The following SH2D2A variants were observed in gnomAD, a reference collection of about 807,000 sequenced individuals.
SH2D2A encodes the protein SH2 domain-containing protein 2A.
In SH2D2A, 33 loss-of-function variants were observed where a neutral mutation model predicts 43.6. That is an observed-to-expected ratio of 0.76 (90% confidence interval 0.57 to 1.01). The LOEUF (loss-of-function observed/expected upper bound fraction) is 1.01. Ranked by LOEUF, SH2D2A falls within the 50% of genes least tolerant of loss-of-function variation. The probability of loss-of-function intolerance (pLI) is 0.00; values close to 1 mark genes in which losing one functional copy is unlikely to be tolerated. For missense variants in SH2D2A, 491 were observed against 503.1 expected (o/e 0.98, Z 0.23); for synonymous variants, 212 against 206.1 (o/e 1.03, Z -0.25).
Position 156,807,115 on chromosome 1 carries a change from G to A in SH2D2A, c.*3+60C>T. The A allele has an allele frequency of 7.1e-7, 1 of 1,407,868 alleles. No homozygotes were observed. Among genetic ancestry groups the A allele is most frequent in the Non-Finnish European group, 1.0e-6 (1 of 996,014 alleles). 87.2% of individuals were successfully genotyped at this position (1,407,868 alleles called of 1,614,324 possible). A position where few individuals can be genotyped will look rare whatever the true frequency, so the allele number is the denominator to read the frequency against. ...CCACATTTCTTGAGAAGTGTGCCAGGTGTGTGTGAAGGTCTCTGGACCTGA... is the reference window on the plus strand; with the variant it reads ...CCACATTTCTTGAGAAGTGTGCCAGATGTGTGTGAAGGTCTCTGGACCTGA... On this transcript the variant is annotated intron_variant, in intron 8 of 8. Transcript: ENST00000368199. The surrounding 1 kb of genome is among the most constrained non-coding windows in gnomAD (Gnocchi z 5.1).
rs1222100824 is a variant in SH2D2A, at chr1:156,809,635, C to T, written c.714+26G>A. ...ACCCCCTCGCAGGCCTGTCCTCCCA[C>T]TCCCTCAGCCCCTGCAGCCCAATAC... On this transcript the variant is annotated intron_variant, in intron 6 of 8. Transcript: ENST00000368199. The surrounding 1 kb of genome is among the most constrained non-coding windows in gnomAD (Gnocchi z 4.8). 1.3e-6 allele frequency: 2 copies of T among 1,591,912 alleles called. No individual in the cohort carries two copies. The highest frequency in any genetic ancestry group is 1.7e-6 in the Non-Finnish European group (2 of 1,170,760).
At chr1:156,815,709 GAC>G (rs1653838026) in intron 2 of SH2D2A, 2 of 1,117,370 alleles carry the variant, frequency 1.8e-6, no homozygotes, top group Admixed American at 1.7e-5. Flanking sequence ...AATGGTCACT[GAC>G]ACAGAGTGCA....
At chr1:156,815,683 T>C (rs1571627495) in intron 2 of SH2D2A, 2 of 882,970 alleles carry the variant, frequency 2.3e-6, no homozygotes, top group East Asian at 4.9e-5. Context: ...GACGGGAATG[T>C]GGAATGCACT....
chr1:156,808,317 A>C (rs1653121495), intron 7 of SH2D2A, among the ~76,000 whole-genome samples: 1 of 152,080 alleles, frequency 6.6e-6, no homozygotes. Flanking sequence ...TGAACATGGG[A>C]CCGAGCTGTT....
chr1:156,809,851 G>C lies in SH2D2A; in HGVS notation c.568-44C>G, dbSNP rs1653285220. On this transcript the variant is annotated intron_variant, in intron 5 of 8. Transcript: ENST00000368199. The surrounding 1 kb of genome is among the most constrained non-coding windows in gnomAD (Gnocchi z 4.8). ...GTCTGAGGCACTCGGTGGAGCGTTGGGGTGGGGGAGGTGATCAGGAGGACA... is the reference window on the plus strand; with the variant it reads ...GTCTGAGGCACTCGGTGGAGCGTTGCGGTGGGGGAGGTGATCAGGAGGACA... 1 of 1,604,924 alleles carries C rather than the reference G, an allele frequency of 6.2e-7. No homozygotes were observed. Among genetic ancestry groups the C allele is most frequent in the South Asian group, 1.1e-5 (1 of 90,340 alleles).
rs1653612038 is a variant in SH2D2A, at chr1:156,813,890, G to T, written c.525C>A (p.Leu175=). ...DLLLHYTAHP[L]SPYGETLTEP... is the part of the protein sequence containing the mutation. ...CGGTGAGCGTCTCCCCGTAGGGGCT[G>T]AGCGGGTGCGCGGTGTAGTGCAGCA... The change falls in exon 5 of 9, where the codon CTC becomes CTA. Residue 175 remains leucine, a synonymous_variant. Transcript: ENST00000368199. 6.5e-7 allele frequency: 1 copy of T among 1,542,400 alleles called. No individual in the cohort carries two copies. The highest frequency in any genetic ancestry group is 8.7e-7 in the Non-Finnish European group (1 of 1,147,918).
chr1:156,813,865 C>G lies in SH2D2A; in HGVS notation c.550G>C (p.Glu184Gln). 2 of 1,504,688 alleles carry G rather than the reference C, an allele frequency of 1.3e-6. No individual in the cohort carries two copies. Among genetic ancestry groups the G allele is most frequent in the Non-Finnish European group, 1.8e-6 (2 of 1,127,636 alleles). The allele number at this position is 1,504,688 out of a possible 1,614,324, so 93.2% of individuals were successfully genotyped here. ...GCGCGTACCTGTCGGGCGAGGGGCT[C>G]GGTGAGCGTCTCCCCGTAGGGGCTG... ...PLSPYGETLT[E>Q]PLARQTPEPA... Residue 184 changes from glutamate to glutamine, a missense_variant, in exon 5 of 9, where the codon GAG becomes CAG. By Grantham distance (29) the Glu-to-Gln change is conservative (BLOSUM62 2). Transcript: ENST00000368199.
At position 156,807,268 on chromosome 1, in the gene SH2D2A, G is replaced by C; in HGVS notation, c.1080C>G (p.Pro360=). 6.2e-7 allele frequency: 1 copy of C among 1,602,778 alleles called. No individual in the cohort carries two copies. The highest frequency in any genetic ancestry group is 8.5e-7 in the Non-Finnish European group (1 of 1,177,902). ...QGPPLPHQPP[P]AWRHTLPHNL... ...TGTGGGGGAGGGTGTGTCTCCAGGC[G>C]GGTGGGGGCTGGTGGGGCAGGGGAG... is the stretch of plus-strand genomic sequence containing the variant. The change falls in exon 8 of 9, where the codon CCC becomes CCG. Residue 360 remains proline (P), a synonymous_variant. Coordinates refer to ENST00000368199, the MANE Select transcript of SH2D2A (RefSeq NM_003975.4). This position sits in a 1 kb window ranked among gnomAD's most constrained non-coding sequence, Gnocchi z 5.1.
rs1653067770 is a variant in SH2D2A, at chr1:156,807,685, A to G, written c.1003-340T>C. 6.6e-6 allele frequency among the ~76,000 whole-genome samples: 1 copy of G among 152,174 alleles called. No individual in the cohort carries two copies. Among genetic ancestry groups the G allele is most frequent in the Admixed American group, 6.5e-5 (1 of 15,282 alleles). ...TGTAAGGCACAGGGGGTGGCCTCTG[A>G]GAAGGGAAAGCTGGTCTTGAAGGAT... On this transcript the variant is annotated intron_variant, in intron 7 of 8. Coordinates refer to ENST00000368199, the MANE Select transcript of SH2D2A (RefSeq NM_003975.4). The surrounding 1 kb of genome is among the most constrained non-coding windows in gnomAD (Gnocchi z 5.1).
rs12071857 is a variant in SH2D2A at position 156,809,305 on chromosome 1, G to A, written c.900C>T (p.Ala300=). ...YAMGRGSPGE[A]PSNIYVEVED... is the part of the protein sequence containing the mutation. ...CCACTTCCACATAGATGTTGCTGGG[G>A]GCTTCCCCAGGGCTGCCCCGGCCCA... Residue 300 remains alanine, a synonymous_variant, in exon 7 of 9, where the codon GCC becomes GCT. Transcript: ENST00000368199. This position sits in a 1 kb window ranked among gnomAD's most constrained non-coding sequence, Gnocchi z 4.8. The A allele has an allele frequency of 5.6e-6, 9 of 1,614,192 alleles. No individual in the cohort carries two copies. The highest frequency in any genetic ancestry group is 5.0e-5 in the Admixed American group (3 of 60,026).
intron 5 of SH2D2A, among the ~76,000 whole-genome samples, chr1:156,811,900 C>A (rs1653448395): frequency 6.6e-6 from 1 of 152,118 alleles, no homozygotes; most frequent in Non-Finnish European, 1.5e-5. Context: ...TTTTAGAGTC[C>A]ATCTAAGTGC....
rs925842563 is a variant in SH2D2A at position 156,815,232 on chromosome 1, G to C, written c.124-11C>G. 1.3e-6 allele frequency: 2 copies of C among 1,490,712 alleles called. No individual in the cohort carries two copies. Among genetic ancestry groups the C allele is most frequent in the African/African-American group, 2.8e-5 (2 of 71,194 alleles). The allele number at this position is 1,490,712 out of a possible 1,614,324, so 92.3% of individuals were successfully genotyped here. Reference sequence around the variant, plus strand: ...GGCCTGGGGAGATGCCTGGATCAGGGAAGAGTTCAAGGAGGGGGAAGCAGC... The same window carrying C: ...GGCCTGGGGAGATGCCTGGATCAGGCAAGAGTTCAAGGAGGGGGAAGCAGC... On this transcript the variant is annotated splice_polypyrimidine_tract_variant and intron_variant, in intron 2 of 8. Transcript: ENST00000368199.
In SH2D2A at chr1:156,816,783, C is replaced by A. The variant is rs12753240; in HGVS notation, c.-75G>T. On this transcript the variant is annotated 5_prime_UTR_variant, in exon 1 of 9. The change abolishes an upstream ATG in the 5' untranslated region. Transcript: ENST00000368199. ...GGAAAGGTGTGCACACTCAGCAACT[C>A]ATCATCTCTCCTCTCACCCTGGCCC... is the stretch of plus-strand genomic sequence containing the variant. 39,183 of 1,368,508 alleles carry A rather than the reference C, an allele frequency of 0.029. 733 individuals carry two copies. Among genetic ancestry groups the A allele is most frequent in the Non-Finnish European group, 0.035 (35,720 of 1,016,164 alleles). 84.8% of individuals were successfully genotyped at this position (1,368,508 alleles called of 1,614,324 possible).
intron 3 of SH2D2A, 75 bp from the exon 4 acceptor site, chr1:156,814,369 C>A: frequency 6.4e-7 from 1 of 1,556,238 alleles, no homozygotes; most frequent in African/African-American, 1.4e-5. Flanking sequence ...CCGGCTCTCA[C>A]GAGGAACCCC....
In SH2D2A at chr1:156,814,229, G is replaced by A. The variant is rs1221894907; in HGVS notation, c.374C>T (p.Ala125Val). The change falls in exon 4 of 9, where the codon GCG becomes GTG. Residue 125 changes from alanine (A) to valine (V), a missense_variant. Transcript: ENST00000368199. ...GCYLVRFSES[A>V]VTFVLTYRSR... ...CCTGTAAGTCAGCACGAAGGTCACC[G>A]CGCTCTCGCTGAACCGCACCAAGTA... 1 of 1,613,870 alleles carries A rather than the reference G, an allele frequency of 6.2e-7. No individual in the cohort carries two copies. The highest frequency in any genetic ancestry group is 1.1e-5 in the South Asian group (1 of 91,080).
chr1:156,815,677 G>A, intron 2 of SH2D2A: 1 of 851,412 alleles, frequency 1.2e-6, no homozygotes, highest in Non-Finnish European at 2.0e-6. Flanking sequence ...GACTGAGACG[G>A]GAATGTGGAA....
intron 8 of SH2D2A, among the ~76,000 whole-genome samples, chr1:156,806,888 C>T (rs1653005335): frequency 6.6e-6 from 1 of 152,272 alleles, no homozygotes; most frequent in African/African-American, 2.4e-5. Flanking sequence ...CCGCTCTTAC[C>T]CGTGGCAGAC....
intron 7 of SH2D2A, among the ~76,000 whole-genome samples, chr1:156,808,870 G>A (rs1398248138): frequency 6.6e-6 from 1 of 152,210 alleles, no homozygotes; most frequent in Admixed American, 6.5e-5. Flanking sequence ...CGTCTGAAGA[G>A]GGCCTGCAGG....
In SH2D2A at chr1:156,809,873, G is replaced by A; in HGVS notation, c.568-66C>T. On this transcript the variant is annotated intron_variant, in intron 5 of 8. Coordinates refer to ENST00000368199, the MANE Select transcript of SH2D2A (RefSeq NM_003975.4). This position sits in a 1 kb window ranked among gnomAD's most constrained non-coding sequence, Gnocchi z 4.8. ...TTGGGGTGGGGGAGGTGATCAGGAG[G>A]ACAAAATAATCCAGTCTAAGTGGAG... The A allele has an allele frequency of 6.4e-7, 1 of 1,573,086 alleles. No individual in the cohort carries two copies. The highest frequency in any genetic ancestry group is 1.1e-5 in the South Asian group (1 of 88,706).
Sources: gnomAD v4.1 joint callset for allele counts (sites outside exome capture counted in the v4.1 genomes callset) on GRCh38, gnomAD v4.1.1 for gene constraint, Gnocchi (gnomAD v3.1) non-coding constraint, MANE v1.5 for transcripts, NCBI Gene and HGNC (gene_info 2026-07-23, HGNC 2026-07-21) for gene names.